PAK5: variants seen among roughly 807,000 people sequenced by gnomAD.
The protein encoded by PAK5 is serine/threonine-protein kinase PAK 5.
In PAK5, 16 loss-of-function variants were observed where a neutral mutation model predicts 65.9. The ratio of observed to expected loss-of-function variants is 0.24; its 90% CI spans 0.16 to 0.37. The LOEUF is 0.37. PAK5 is among the 10% of genes least tolerant of loss of function. PAK5 has a pLI of 1.00. For synonymous variants in PAK5, 371 were observed against 354.9 expected (o/e 1.05, Z -0.51); for missense variants, 785 against 903.9 (o/e 0.87, Z 1.69).
At chr20:9,718,044 C>T (rs943967929) in intron 1 of PAK5, among the ~76,000 whole-genome samples, 1 of 151,986 alleles carries the variant, frequency 6.6e-6, no homozygotes, top group African/African-American at 2.4e-5. Context: ...ACAAATGGCA[C>T]CTGACTCTGA....
At chr20:9,566,420 G>T in intron 4 of PAK5, 36 bp from the exon 5 acceptor site, 1 of 1,587,832 alleles carries the variant, frequency 6.3e-7, no homozygotes, top group Non-Finnish European at 8.6e-7. Context: ...ATATTCACAT[G>T]CTGGATCTGA....
chr20:9,568,585 A>G (rs2045722475), intron 4 of PAK5, among the ~76,000 whole-genome samples: 1 of 152,208 alleles, frequency 6.6e-6, no homozygotes, highest in African/African-American at 2.4e-5. Context: ...GATCAAAGAA[A>G]AAGGCAGAGA....
At chr20:9,666,742 G>A (rs972523149) in intron 2 of PAK5, among the ~76,000 whole-genome samples, 1 of 152,196 alleles carries the variant, frequency 6.6e-6, no homozygotes, top group African/African-American at 2.4e-5. Flanking sequence ...ATGTGTGTTT[G>A]TATCTGTGTG....
Position 9,668,639 on chromosome 20 carries a change from A to G in PAK5, c.-11-24300T>C, listed in dbSNP as rs576363658. Among the ~76,000 whole-genome samples the G allele has an allele frequency of 7.2e-5, 11 of 152,340 alleles. No homozygotes were observed. The South Asian group carries it at 2.3e-3, about 32-fold the overall frequency. On this transcript the variant is annotated intron_variant, in intron 2 of 9. Transcript: ENST00000353224. ...CGAGAGCATAACACTGAGAACGAGA[A>G]CGACACTTTTGCATATTGGAGTGGC...
Position 9,660,886 on chromosome 20 carries a change from G to A in PAK5, c.-11-16547C>T, listed in dbSNP as rs540274347. Among the ~76,000 whole-genome samples, 41 of 152,244 alleles carry A rather than the reference G, an allele frequency of 2.7e-4. No individual in the cohort carries two copies. In the Middle Eastern group the frequency reaches 0.01, roughly 38 times the overall value. On this transcript the variant is annotated intron_variant, in intron 2 of 9. Coordinates refer to ENST00000353224, the MANE Select transcript of PAK5 (RefSeq NM_177990.4). Reference sequence around the variant, plus strand: ...GGAACAGGAAGTCAGGCCGCACAGGGCAGTAGTTCTTCAAGTGTGGTCGCA... The same window carrying A: ...GGAACAGGAAGTCAGGCCGCACAGGACAGTAGTTCTTCAAGTGTGGTCGCA...
chr20:9,834,005 CA>C (rs1486559157), intron 1 of PAK5, among the ~76,000 whole-genome samples: 1 of 152,114 alleles, frequency 6.6e-6, no homozygotes, highest in Non-Finnish European at 1.5e-5. Context: ...AATTTTTGAA[CA>C]TGTATTTTAT....
intron 1 of PAK5, among the ~76,000 whole-genome samples, chr20:9,823,922 T>A (rs535300928): frequency 1.3e-5 from 2 of 152,290 alleles, no homozygotes; most frequent in East Asian, 1.9e-4. Context: ...TTAATCTTAA[T>A]CAATAGAGCA....
chr20:9,594,113 G>T (rs2046223364), intron 3 of PAK5, among the ~76,000 whole-genome samples: 1 of 152,148 alleles, frequency 6.6e-6, no homozygotes, highest in South Asian at 2.1e-4. Flanking sequence ...AATTTCTGAA[G>T]CTCTTCAGGG....
At chr20:9,746,925 G>T (rs2048515050) in intron 1 of PAK5, among the ~76,000 whole-genome samples, 1 of 152,056 alleles carries the variant, frequency 6.6e-6, no homozygotes, top group Non-Finnish European at 1.5e-5. Flanking sequence ...CAACAAAACT[G>T]ATAGACCACT....
intron 1 of PAK5, among the ~76,000 whole-genome samples, chr20:9,775,447 T>C (rs2048877833): frequency 6.6e-6 from 1 of 152,230 alleles, no homozygotes; most frequent in Non-Finnish European, 1.5e-5. Context: ...AAATTCATTC[T>C]GTCTGCTGTC....
chr20:9,803,520 G>A (rs575299913), intron 1 of PAK5, among the ~76,000 whole-genome samples: 1 of 152,290 alleles, frequency 6.6e-6, no homozygotes, highest in East Asian at 1.9e-4. Flanking sequence ...AAAGCAAACA[G>A]CAGAAAAAGA....
At chr20:9,614,313 A>G (rs557506096) in intron 3 of PAK5, among the ~76,000 whole-genome samples, 1 of 152,340 alleles carries the variant, frequency 6.6e-6, no homozygotes, top group East Asian at 1.9e-4. Context: ...AAGGGAAAAA[A>G]TGCTGAATGA....
chr20:9,681,537 C>A (rs1026996111), intron 2 of PAK5, among the ~76,000 whole-genome samples: 1 of 151,982 alleles, frequency 6.6e-6, no homozygotes, highest in African/African-American at 2.4e-5. Context: ...TAGATAATTG[C>A]ATATTATTTT....
At chr20:9,721,152 A>G (rs1051082705) in intron 1 of PAK5, among the ~76,000 whole-genome samples, 1 of 152,164 alleles carries the variant, frequency 6.6e-6, no homozygotes, top group Admixed American at 6.5e-5. Flanking sequence ...AAAAATTGGT[A>G]CCTGGTCTTC....
At position 9,667,325 on chromosome 20, in the gene PAK5, C is replaced by T. The variant is rs984893562; in HGVS notation, c.-11-22986G>A. Among the ~76,000 whole-genome samples the T allele has an allele frequency of 2.0e-5, 3 of 152,184 alleles. No homozygotes were observed. The South Asian group carries it at 6.2e-4, about 32-fold the overall frequency. On this transcript the variant is annotated intron_variant, in intron 2 of 9. Transcript: ENST00000353224. The stretch of plus-strand genomic sequence containing the variant: ...TTCTCCTCCTCTTCAGCCTGGAATG[C>T]CTATAGTGACTGTGGCAGAGTTATG...
At chr20:9,605,179 G>A (rs2046430615) in intron 3 of PAK5, among the ~76,000 whole-genome samples, 1 of 152,230 alleles carries the variant, frequency 6.6e-6, no homozygotes, top group African/African-American at 2.4e-5. Flanking sequence ...AGAGAAGCGG[G>A]GGTATTTATC....
chr20:9,606,893 C>T (rs923508432), intron 3 of PAK5, among the ~76,000 whole-genome samples: 2 of 152,046 alleles, frequency 1.3e-5, no homozygotes, highest in Admixed American at 6.5e-5. Flanking sequence ...GGACCTGCCT[C>T]CCCATGAAAT....
At chr20:9,620,166 A>G (rs1353316006) in intron 3 of PAK5, among the ~76,000 whole-genome samples, 2 of 152,246 alleles carry the variant, frequency 1.3e-5, no homozygotes, top group Non-Finnish European at 2.9e-5. Context: ...TTGCCCATTC[A>G]CAACACTCTG....
Position 9,580,169 on chromosome 20 carries a change from G to A in PAK5, c.966C>T (p.Ser322=), listed in dbSNP as rs56239039. 244 of 1,612,964 alleles carry A rather than the reference G, an allele frequency of 1.5e-4. 2 individuals are homozygous for A. The East Asian group carries it at 4.7e-3, about 31-fold the overall frequency. Residue 322 remains serine (S), a synonymous_variant, in exon 4 of 10, where the codon TCC becomes TCT. Transcript: ENST00000353224. ...CCTTTGGAATGCACATTGTGGGCTCGGACAAGCGAGGGTAGGTGTAGGAGT... is the reference window on the plus strand; with the variant it reads ...CCTTTGGAATGCACATTGTGGGCTCAGACAAGCGAGGGTAGGTGTAGGAGT... ...SYNSYTYPRL[S]EPTMCIPKVD...
Sources: gnomAD v4.1 joint callset for allele counts (sites outside exome capture counted in the v4.1 genomes callset) on GRCh38, gnomAD v4.1.1 for gene constraint, MANE v1.5 for transcripts, NCBI Gene and HGNC (gene_info 2026-07-23, HGNC 2026-07-21) for gene names.